Variants in IMMP2L observed in about 807,000 individuals in gnomAD.
The protein encoded by IMMP2L is mitochondrial inner membrane protease subunit 2.
A neutral mutation model predicts 19.3 loss-of-function variants in IMMP2L; 18 were observed. That is an observed-to-expected ratio of 0.93 (90% CI 0.64 to 1.38). IMMP2L has a LOEUF of 1.38. IMMP2L is among the 40% of genes most tolerant of loss of function. The pLI is 0.00. For synonymous variants in IMMP2L, 76 were observed against 73.0 expected (o/e 1.04, Z -0.21); for missense variants, 233 against 218.2 (o/e 1.07, Z -0.43).
chr7:111,024,091 T>C (rs989911785), intron 3 of IMMP2L, among the ~76,000 whole-genome samples: 1 of 152,152 alleles, frequency 6.6e-6, no homozygotes, highest in East Asian at 1.9e-4. Flanking sequence ...GTCAAGAATT[T>C]ATCATATGAA....
chr7:111,458,887 T>A (rs528931927), intron 3 of IMMP2L, among the ~76,000 whole-genome samples: 108 of 152,292 alleles, frequency 7.1e-4, no homozygotes, highest in African/African-American at 2.5e-3. Context: ...AATTCAAAAC[T>A]TCTAGTTTCT....
At chr7:111,504,081 C>T (rs1353805384) in intron 2 of IMMP2L, among the ~76,000 whole-genome samples, 2 of 152,138 alleles carry the variant, frequency 1.3e-5, no homozygotes, top group Non-Finnish European at 2.9e-5. Context: ...CCTATTGTCT[C>T]AGCCCAAAAT....
intron 5 of IMMP2L, among the ~76,000 whole-genome samples, chr7:110,705,096 T>G (rs1411926847): frequency 8.5e-6 from 1 of 117,810 alleles, no homozygotes; most frequent in East Asian, 2.5e-4. Flanking sequence ...ACTGGAAGCT[T>G]ACTATCAATG....
At position 110,768,333 on chromosome 7, in the gene IMMP2L, C is replaced by T. The variant is rs557544248; in HGVS notation, c.409-104612G>A. 1.2e-3 allele frequency among the ~76,000 whole-genome samples: 186 copies of T among 150,754 alleles called. 1 individual carries two copies. The highest frequency in any genetic ancestry group is 4.4e-3 in the African/African-American group (182 of 40,976). ...GAAAAAAAAAAAAAAAAAGAATGAC[C>T]ACAGTAAAGGATATAAGGCTGGAGT... On this transcript the variant is annotated intron_variant, in intron 5 of 5. Coordinates refer to ENST00000405709, the MANE Select transcript of IMMP2L (RefSeq NM_032549.4).
chr7:110,932,453 G>A (rs1170675583), intron 4 of IMMP2L, among the ~76,000 whole-genome samples: 7 of 151,858 alleles, frequency 4.6e-5, no homozygotes, highest in African/African-American at 1.2e-4. Context: ...TTTTGGGTTC[G>A]TGCCATTCTC....
At chr7:110,864,713 G>A (rs1021937089) in intron 5 of IMMP2L, among the ~76,000 whole-genome samples, 1 of 151,932 alleles carries the variant, frequency 6.6e-6, no homozygotes, top group African/African-American at 2.4e-5. Context: ...CCTGTGTATT[G>A]CCATATGCTA....
At chr7:110,910,386 T>A (rs1464808202) in intron 4 of IMMP2L, among the ~76,000 whole-genome samples, 1 of 152,152 alleles carries the variant, frequency 6.6e-6, no homozygotes, top group South Asian at 2.1e-4. Flanking sequence ...ATAAAATGAA[T>A]CTTGTAGTGT....
intron 2 of IMMP2L, among the ~76,000 whole-genome samples, chr7:111,494,582 C>G (rs1414917468): frequency 2.0e-5 from 3 of 152,160 alleles, no homozygotes; most frequent in Admixed American, 6.5e-5. Context: ...AAACTATGTT[C>G]AAATCTTGTC....
chr7:110,742,535 A>G (rs4730456), intron 5 of IMMP2L, among the ~76,000 whole-genome samples: 144,560 of 152,166 alleles, frequency 0.95, 68,687 homozygotes, highest in East Asian at 0.98. Flanking sequence ...TTGGGAAACC[A>G]AGGCAAGCGG....
chr7:111,323,256 A>T (rs1446391569), intron 3 of IMMP2L, among the ~76,000 whole-genome samples: 4 of 152,088 alleles, frequency 2.6e-5, no homozygotes, highest in African/African-American at 4.8e-5. Flanking sequence ...CAAAGGGCTA[A>T]TATCCAGAAT....
At chr7:111,336,130 G>A (rs1308208593) in intron 3 of IMMP2L, among the ~76,000 whole-genome samples, 1 of 151,902 alleles carries the variant, frequency 6.6e-6, no homozygotes, top group African/African-American at 2.4e-5. Flanking sequence ...GCTCACTGCA[G>A]CCTCAAACTC....
At chr7:110,770,642 G>A (rs1798973625) in intron 5 of IMMP2L, among the ~76,000 whole-genome samples, 1 of 152,130 alleles carries the variant, frequency 6.6e-6, no homozygotes, top group South Asian at 2.1e-4. Flanking sequence ...CTATTGAGCA[G>A]ATCTGCATCT....
intron 5 of IMMP2L, among the ~76,000 whole-genome samples, chr7:110,712,154 G>A (rs1794917107): frequency 1.5e-5 from 2 of 131,034 alleles, no homozygotes; most frequent in South Asian, 3.0e-4. Flanking sequence ...TCTACTTTTG[G>A]TCTTTGATGA....
chr7:111,522,926 C>CATATATAT lies in IMMP2L; in HGVS notation c.-2-1485_-2-1478dup, dbSNP rs148789480. On this transcript the variant is annotated intron_variant, in intron 1 of 5. Transcript: ENST00000405709. ...TGAATGAACTTTAAGATGTGAGATA[C>CATATATAT]ATATATATATATTATTTCACCATAA... is the stretch of plus-strand genomic sequence containing the variant. 2.2e-3 allele frequency among the ~76,000 whole-genome samples: 298 copies of CATATATAT among 134,956 alleles called. 13 individuals carry two copies. Among genetic ancestry groups the CATATATAT allele is most frequent in the African/African-American group, 6.4e-3 (203 of 31,760 alleles). The allele number at this position is 134,956 out of a possible 152,430, so 88.5% of individuals were successfully genotyped here. A position where few individuals can be genotyped will look rare whatever the true frequency, so the allele number is the denominator to read the frequency against.
At chr7:110,770,963 G>C (rs1798993122) in intron 5 of IMMP2L, among the ~76,000 whole-genome samples, 1 of 152,066 alleles carries the variant, frequency 6.6e-6, no homozygotes, top group South Asian at 2.1e-4. Context: ...TTGCTCTGTG[G>C]GGCCTGTGCT....
intron 3 of IMMP2L, among the ~76,000 whole-genome samples, chr7:111,075,954 C>T (rs1168734372): frequency 1.3e-5 from 2 of 152,196 alleles, no homozygotes; most frequent in South Asian, 2.1e-4. Flanking sequence ...TCACCTCTCC[C>T]TTCCACTTGC....
At chr7:110,991,721 T>G (rs1585629708) in intron 3 of IMMP2L, among the ~76,000 whole-genome samples, 1 of 152,310 alleles carries the variant, frequency 6.6e-6, no homozygotes, top group South Asian at 2.1e-4. Flanking sequence ...CCACAGTGGT[T>G]ACTATTACTA....
At chr7:111,359,692 G>A (rs1031734773) in intron 3 of IMMP2L, among the ~76,000 whole-genome samples, 2 of 152,026 alleles carry the variant, frequency 1.3e-5, no homozygotes, top group Non-Finnish European at 2.9e-5. Context: ...CATGCTCATT[G>A]GTTGTTAAGC....
At chr7:111,480,556 T>C (rs966817394) in intron 3 of IMMP2L, among the ~76,000 whole-genome samples, 3 of 71,590 alleles carry the variant, frequency 4.2e-5, no homozygotes, top group African/African-American at 1.7e-4. Flanking sequence ...GTACCAAAAA[T>C]AAACTGCAAC....
Sources: gnomAD v4.1 joint callset for allele counts (sites outside exome capture counted in the v4.1 genomes callset) on GRCh38, gnomAD v4.1.1 for gene constraint, MANE v1.5 for transcripts, NCBI Gene and HGNC (gene_info 2026-07-23, HGNC 2026-07-21) for gene names.